Variants in NEGR1 observed in about 807,000 individuals in gnomAD.
The protein encoded by NEGR1 is neuronal growth regulator 1.
NEGR1 carries 10 observed loss-of-function variants against 40.9 expected under a neutral mutation model. That is an observed-to-expected ratio of 0.24 (90% CI 0.15 to 0.42). The LOEUF is 0.42. NEGR1 is among the 10% of genes least tolerant of loss of function. The probability of loss-of-function intolerance (pLI) is 1.00; values close to 1 mark genes in which losing one functional copy is unlikely to be tolerated. For missense variants in NEGR1, 352 were observed against 438.9 expected (o/e 0.80, Z 1.77); for synonymous variants, 185 against 166.8 (o/e 1.11, Z -0.84).
At chr1:72,173,327 A>G (rs72941224) in intron 1 of NEGR1, among the ~76,000 whole-genome samples, 1 of 146,696 alleles carries the variant, frequency 6.8e-6, no homozygotes, top group Admixed American at 7.1e-5. Context: ...ATTGTTAGCA[A>G]TCTTATTTTC....
intron 2 of NEGR1, among the ~76,000 whole-genome samples, chr1:71,895,372 T>A (rs1570473561): frequency 6.6e-6 from 1 of 152,142 alleles, no homozygotes; most frequent in East Asian, 1.9e-4. Flanking sequence ...AATTCAAAAG[T>A]TTTTAGCAAA....
chr1:71,943,232 A>G (rs150746768), intron 1 of NEGR1, among the ~76,000 whole-genome samples: 2,324 of 147,712 alleles, frequency 0.016, 29 homozygotes, highest in South Asian at 0.042. Context: ...TTATGTATAT[A>G]CTCACACATA....
At chr1:72,004,454 C>T (rs138677026) in intron 1 of NEGR1, among the ~76,000 whole-genome samples, 2,104 of 152,162 alleles carry the variant, frequency 0.014, 22 homozygotes, top group Middle Eastern at 0.041. Context: ...CGCCACCACT[C>T]GCAGCAAATT....
chr1:71,413,570 A>G (rs1646337365), intron 6 of NEGR1, among the ~76,000 whole-genome samples: 1 of 152,116 alleles, frequency 6.6e-6, no homozygotes, highest in Non-Finnish European at 1.5e-5. Context: ...CTGATTTGCA[A>G]TTTCTTCAGA....
intron 1 of NEGR1, among the ~76,000 whole-genome samples, chr1:71,998,920 A>G (rs11209884): frequency 0.089 from 13,580 of 151,858 alleles, 842 homozygotes; most frequent in Admixed American, 0.18. Context: ...TTGGGATTAT[A>G]AATTTAGGTA....
intron 2 of NEGR1, among the ~76,000 whole-genome samples, chr1:71,783,750 G>A (rs1557651053): frequency 1.3e-5 from 2 of 152,064 alleles, no homozygotes; most frequent in African/African-American, 2.4e-5. Context: ...CTATGCACGA[G>A]TTTTTCTCAA....
intron 3 of NEGR1, among the ~76,000 whole-genome samples, chr1:71,756,440 C>T (rs1655746510): frequency 6.7e-6 from 1 of 149,596 alleles, no homozygotes; most frequent in Admixed American, 6.7e-5. Flanking sequence ...AAAACCACAT[C>T]AGGCCTCTAC....
At position 71,791,624 on chromosome 1, in the gene NEGR1, T is replaced by C. The variant is rs150490101; in HGVS notation, c.410-15327A>G. 4.6e-3 allele frequency among the ~76,000 whole-genome samples: 705 copies of C among 152,242 alleles called. 7 individuals are homozygous for C. The highest frequency in any genetic ancestry group is 0.016 in the African/African-American group (654 of 41,562). ...TATTTCATAGTGTTCCCATCAGATATTGAGATCATGAAGAGGAATCAAAGG... is the reference window on the plus strand; with the variant it reads ...TATTTCATAGTGTTCCCATCAGATACTGAGATCATGAAGAGGAATCAAAGG... On this transcript the variant is annotated intron_variant, in intron 2 of 6. Transcript: ENST00000357731.
intron 1 of NEGR1, among the ~76,000 whole-genome samples, chr1:72,055,451 A>C (rs1206259148): frequency 6.6e-6 from 1 of 151,084 alleles, no homozygotes; most frequent in Non-Finnish European, 1.5e-5. Flanking sequence ...ACTGTCATTT[A>C]AATGTGTTCT....
At chr1:71,748,930 C>T (rs1048356832) in intron 3 of NEGR1, among the ~76,000 whole-genome samples, 1 of 152,012 alleles carries the variant, frequency 6.6e-6, no homozygotes, top group Admixed American at 6.6e-5. Flanking sequence ...ATAGTCAAAA[C>T]ATTTCCACAA....
intron 1 of NEGR1, among the ~76,000 whole-genome samples, chr1:72,026,263 GAAATACA>G (rs1646809001): frequency 6.6e-6 from 1 of 151,704 alleles, no homozygotes; most frequent in Non-Finnish European, 1.5e-5. Flanking sequence ...GGAAGAAATG[GAAATACA>G]AAATTTAGAC....
At chr1:71,972,744 G>A (rs1035157089) in intron 1 of NEGR1, among the ~76,000 whole-genome samples, 1 of 152,058 alleles carries the variant, frequency 6.6e-6, no homozygotes, top group Admixed American at 6.6e-5. Flanking sequence ...TTTTGATACA[G>A]CTGAACTCAA....
rs527277802 is a variant in NEGR1 at position 71,773,895 on chromosome 1, G to C, written c.535+2277C>G. ...TTTAATTAAACTAAAATGTATCCAA[G>C]CACTTTTAAAAAGAAGAATGTGCAT... On this transcript the variant is annotated intron_variant, in intron 3 of 6. Coordinates refer to ENST00000357731, the MANE Select transcript of NEGR1 (RefSeq NM_173808.3). Among the ~76,000 whole-genome samples, 37 of 152,162 alleles carry C rather than the reference G, an allele frequency of 2.4e-4. No homozygotes were observed. The South Asian group carries it at 7.7e-3, about 32-fold the overall frequency.
chr1:72,254,334 T>A (rs1255619646), intron 1 of NEGR1, among the ~76,000 whole-genome samples: 1 of 152,120 alleles, frequency 6.6e-6, no homozygotes, highest in Non-Finnish European at 1.5e-5. Flanking sequence ...GCCTTTGAAG[T>A]CAAGTTAAAG....
chr1:71,557,484 T>A (rs774797987), intron 6 of NEGR1, among the ~76,000 whole-genome samples: 1 of 151,656 alleles, frequency 6.6e-6, no homozygotes, highest in Non-Finnish European at 1.5e-5. Flanking sequence ...AAAGCAAGTA[T>A]TGATAAAACA....
chr1:72,082,268 T>C (rs1280345272), intron 1 of NEGR1, among the ~76,000 whole-genome samples: 2 of 152,118 alleles, frequency 1.3e-5, no homozygotes, highest in Non-Finnish European at 1.5e-5. Flanking sequence ...CCCTTGGAAA[T>C]TGACAGCTAT....
chr1:71,900,093 A>G lies in NEGR1; in HGVS notation c.409+34986T>C, dbSNP rs1024889266. 2.0e-5 allele frequency among the ~76,000 whole-genome samples: 3 copies of G among 152,274 alleles called. No homozygotes were observed. The East Asian group carries it at 5.8e-4, about 29-fold the overall frequency. On this transcript the variant is annotated intron_variant, in intron 2 of 6. Coordinates refer to ENST00000357731, the MANE Select transcript of NEGR1 (RefSeq NM_173808.3). ...TACCTCCAGCCAAAAAATACAGTAT[A>G]CCACTGAGTGGGAAACCTTGCTTAA...
At chr1:71,985,455 G>T (rs1646386512) in intron 1 of NEGR1, among the ~76,000 whole-genome samples, 1 of 152,072 alleles carries the variant, frequency 6.6e-6, no homozygotes, top group Non-Finnish European at 1.5e-5. Flanking sequence ...GAAAACTGGG[G>T]TGTATAAAGG....
chr1:71,669,719 C>T (rs60035899), intron 4 of NEGR1, among the ~76,000 whole-genome samples: 5,475 of 151,990 alleles, frequency 0.036, 125 homozygotes, highest in African/African-American at 0.07. Context: ...GGCGCGATCT[C>T]GGCTCACTGC....
Sources: allele counts gnomAD v4.1 joint callset (sites outside exome capture counted in the v4.1 genomes callset), GRCh38; gene constraint gnomAD v4.1.1; transcripts MANE v1.5; gene names NCBI Gene and HGNC (gene_info 2026-07-23, HGNC 2026-07-21).